The following XKR6 variants were observed in gnomAD, a reference collection of about 807,000 sequenced individuals.
XKR6 encodes XK related 6.
In XKR6, 22 loss-of-function variants were observed where a neutral mutation model predicts 56.7. The observed-to-expected ratio is 0.39, with a 90% CI of 0.28 to 0.55. The LOEUF (loss-of-function observed/expected upper bound fraction) is 0.55, where lower values mean the gene tolerates loss of function less well. Ranked by LOEUF, XKR6 falls within the 20% of genes least tolerant of loss-of-function variation. The pLI, the probability that XKR6 is intolerant of heterozygous loss-of-function variation, is 0.66. For missense variants in XKR6, 852 were observed against 889.0 expected (o/e 0.96, Z 0.53); for synonymous variants, 524 against 387.8 (o/e 1.35, Z -4.13).
chr8:11,154,881 A>G (rs1017695136), intron 1 of XKR6, among the ~76,000 whole-genome samples: 1 of 152,146 alleles, frequency 6.6e-6, no homozygotes, highest in Non-Finnish European at 1.5e-5. Context: ...GTAGTCTACA[A>G]TTCTTAAGGG....
At chr8:11,014,393 G>A (rs1798570080) in intron 1 of XKR6, among the ~76,000 whole-genome samples, 1 of 152,178 alleles carries the variant, frequency 6.6e-6, no homozygotes, top group Admixed American at 6.5e-5. Flanking sequence ...AACCTGTGCT[G>A]GCCTGTGAAT....
chr8:11,002,080 A>G, intron 1 of XKR6, among the ~76,000 whole-genome samples: 1 of 142,660 alleles, frequency 7.0e-6, no homozygotes, highest in East Asian at 1.9e-4. Flanking sequence ...AAAAAAAAAA[A>G]ACACACAAAA....
intron 1 of XKR6, among the ~76,000 whole-genome samples, chr8:11,176,370 A>G (rs1802655265): frequency 6.6e-6 from 1 of 152,196 alleles, no homozygotes; most frequent in South Asian, 2.1e-4. Context: ...AATAAATGGT[A>G]AATGAAGATC....
chr8:11,124,168 C>T (rs542705169), intron 1 of XKR6: 2 of 363,232 alleles, frequency 5.5e-6, no homozygotes, highest in African/African-American at 2.1e-5. Context: ...TATGAAACTA[C>T]AGTTTAATCA....
intron 1 of XKR6, among the ~76,000 whole-genome samples, chr8:10,988,549 C>T (rs1797916102): frequency 6.6e-6 from 1 of 152,156 alleles, no homozygotes; most frequent in South Asian, 2.1e-4. Context: ...GAATGCTAGG[C>T]ACAGTTCCAT....
chr8:11,011,610 A>C (rs1180241772), intron 1 of XKR6, among the ~76,000 whole-genome samples: 1 of 152,244 alleles, frequency 6.6e-6, no homozygotes, highest in Non-Finnish European at 1.5e-5. Context: ...CGAAAGAGAC[A>C]GCAAACAAAT....
chr8:11,060,777 C>T (rs527630555), intron 1 of XKR6, among the ~76,000 whole-genome samples: 2 of 152,334 alleles, frequency 1.3e-5, no homozygotes, highest in African/African-American at 4.8e-5. Context: ...TTACATCCTG[C>T]CCTGCACTGG....
chr8:11,019,430 T>G lies in XKR6; in HGVS notation c.765-94600A>C, dbSNP rs528870442. Among the ~76,000 whole-genome samples the G allele has an allele frequency of 9.3e-4, 142 of 152,310 alleles. 1 individual carries two copies. Among genetic ancestry groups the G allele is most frequent in the African/African-American group, 3.3e-3 (136 of 41,568 alleles). On this transcript the variant is annotated intron_variant, in intron 1 of 2. Transcript: ENST00000416569. ...TCGGGACCACCCATTGTAACTATTC[T>G]TCCTCCATCCCACCTCTTCAGAGCT...
chr8:11,085,740 C>G (rs1029975935), intron 1 of XKR6, among the ~76,000 whole-genome samples: 1 of 152,180 alleles, frequency 6.6e-6, no homozygotes, highest in Non-Finnish European at 1.5e-5. Context: ...CAATTTCAGA[C>G]CGTCAGCATG....
chr8:10,909,670 C>G (rs1235681034), intron 2 of XKR6, among the ~76,000 whole-genome samples: 1 of 152,224 alleles, frequency 6.6e-6, no homozygotes, highest in Non-Finnish European at 1.5e-5. Context: ...CCACAATGCT[C>G]TCCAAACACG....
intron 1 of XKR6, among the ~76,000 whole-genome samples, chr8:10,984,732 C>CTCTCTCTCTATATATA: frequency 4.8e-4 from 23 of 47,488 alleles, no homozygotes; most frequent in African/African-American, 1.6e-3. Flanking sequence ...CTCTCTCTCT[C>CTCTCTCTCTATATATA]TATATATATA....
Position 11,182,981 on chromosome 8 carries a change from G to A in XKR6, c.764+17595C>T, listed in dbSNP as rs140689115. ...AATCACATAGTGTTTGTCCTTTTATGGTGGCCTTATTTCACTTTGCAGAAT... is the reference window on the plus strand; with the variant it reads ...AATCACATAGTGTTTGTCCTTTTATAGTGGCCTTATTTCACTTTGCAGAAT... On this transcript the variant is annotated intron_variant, in intron 1 of 2. Transcript: ENST00000416569. Among the ~76,000 whole-genome samples, 164 of 152,238 alleles carry A rather than the reference G, an allele frequency of 1.1e-3. 1 individual carries two copies. The highest frequency in any genetic ancestry group is 3.9e-3 in the African/African-American group (162 of 41,520).
chr8:11,108,713 G>T (rs536258925), intron 1 of XKR6: 1 of 200,914 alleles, frequency 5.0e-6, no homozygotes, highest in South Asian at 8.6e-5. Context: ...CCATTCCAAG[G>T]CGACAGAGAA....
chr8:11,101,340 G>A (rs937058184), intron 1 of XKR6, among the ~76,000 whole-genome samples: 1 of 152,196 alleles, frequency 6.6e-6, no homozygotes, highest in African/African-American at 2.4e-5. Flanking sequence ...CCTTGAAAAA[G>A]ATGCCGTGAT....
intron 1 of XKR6, among the ~76,000 whole-genome samples, chr8:11,058,527 G>A (rs1431908751): frequency 6.6e-6 from 1 of 152,212 alleles, no homozygotes; most frequent in Non-Finnish European, 1.5e-5. Flanking sequence ...ATGAATTCAT[G>A]TCCTTTGCAG....
At chr8:10,965,826 G>T (rs1383679173) in intron 1 of XKR6, among the ~76,000 whole-genome samples, 1 of 152,234 alleles carries the variant, frequency 6.6e-6, no homozygotes, top group Non-Finnish European at 1.5e-5. Flanking sequence ...ACGGAGAGGA[G>T]CTCATGATTC....
chr8:11,176,974 T>C (rs1328477532), intron 1 of XKR6, among the ~76,000 whole-genome samples: 2 of 152,202 alleles, frequency 1.3e-5, no homozygotes, highest in African/African-American at 2.4e-5. Context: ...CAAACATGCA[T>C]GCACTGGTGA....
At chr8:10,904,574 G>A (rs1231174613) in intron 2 of XKR6, among the ~76,000 whole-genome samples, 2 of 152,188 alleles carry the variant, frequency 1.3e-5, no homozygotes, top group Non-Finnish European at 2.9e-5. Flanking sequence ...AGAACCTGGA[G>A]GGAGCAGGTG....
At chr8:10,915,681 A>G (rs1218928378) in intron 2 of XKR6, among the ~76,000 whole-genome samples, 2 of 152,184 alleles carry the variant, frequency 1.3e-5, no homozygotes, top group Non-Finnish European at 2.9e-5. Flanking sequence ...GGTTTAATGT[A>G]TTGCTTAACA....
Sources: gnomAD v4.1 joint callset for allele counts (sites outside exome capture counted in the v4.1 genomes callset) on GRCh38, gnomAD v4.1.1 for gene constraint, MANE v1.5 for transcripts, NCBI Gene and HGNC (gene_info 2026-07-23, HGNC 2026-07-21) for gene names.